PKHD1: variants seen among roughly 807,000 people sequenced by gnomAD.
The protein encoded by PKHD1 is PKHD1 ciliary IPT domain containing fibrocystin/polyductin.
A neutral mutation model predicts 412.0 loss-of-function variants in PKHD1; 291 were observed. The observed-to-expected ratio is 0.71, with a 90% CI of 0.64 to 0.78. The LOEUF is 0.78. Ranked by LOEUF, PKHD1 falls within the 30% of genes least tolerant of loss-of-function variation. PKHD1 has a pLI of 0.00. For synonymous variants in PKHD1, 1,777 were observed against 1,821.5 expected (o/e 0.98, Z 0.62); for missense variants, 4,825 against 4,950.7 (o/e 0.97, Z 0.76).
chr6:51,904,191 T>G, intron 41 of PKHD1, 149 bp from the exon 42 acceptor site: 1 of 661,364 alleles, frequency 1.5e-6, no homozygotes, highest in Admixed American at 2.3e-5. Flanking sequence ...ACAGATCTTA[T>G]GTACTCTTCA....
intron 43 of PKHD1, among the ~76,000 whole-genome samples, chr6:51,898,889 T>G (rs1780658524): frequency 6.6e-6 from 1 of 152,038 alleles, no homozygotes; most frequent in South Asian, 2.1e-4. Flanking sequence ...CACAAACACC[T>G]CTACGCAAAT....
At chr6:52,004,556 T>C (rs1184023182) in intron 35 of PKHD1, among the ~76,000 whole-genome samples, 1 of 152,242 alleles carries the variant, frequency 6.6e-6, no homozygotes, top group Non-Finnish European at 1.5e-5. Flanking sequence ...GTGGATGCCA[T>C]GTTCTTGAAG....
intron 34 of PKHD1, among the ~76,000 whole-genome samples, chr6:52,014,710 A>ATGGATGAATATAC (rs1800271351): frequency 2.3e-5 from 1 of 43,444 alleles, no homozygotes; most frequent in Non-Finnish European, 5.9e-5. Context: ...AGATGGATGG[A>ATGGATGAATATAC]TGGATGGATG....
intron 23 of PKHD1, among the ~76,000 whole-genome samples, chr6:52,047,534 C>T (rs1806052932): frequency 6.6e-6 from 1 of 152,190 alleles, no homozygotes; most frequent in African/African-American, 2.4e-5. Flanking sequence ...GTTCTTTGTG[C>T]ATTGTATGTA....
intron 34 of PKHD1, among the ~76,000 whole-genome samples, chr6:52,012,729 C>T (rs545689624): frequency 9.2e-5 from 14 of 152,232 alleles, no homozygotes; most frequent in African/African-American, 3.4e-4. Flanking sequence ...TTTTTTGTTA[C>T]TGGGGGTGGA....
chr6:51,845,567 A>G (rs1187601796), intron 50 of PKHD1, among the ~76,000 whole-genome samples: 1 of 152,246 alleles, frequency 6.6e-6, no homozygotes, highest in African/African-American at 2.4e-5. Context: ...GTATTCCAAT[A>G]CAAATAATTT....
intron 60 of PKHD1, among the ~76,000 whole-genome samples, chr6:51,692,621 C>T (rs1310414747): frequency 1.3e-5 from 2 of 152,168 alleles, no homozygotes; most frequent in Non-Finnish European, 2.9e-5. Context: ...TTAGTCTCGT[C>T]CATTTTTTTC....
chr6:51,950,220 A>AAAAAAATAT lies in PKHD1; in HGVS notation c.5908+9649_5908+9650insATATTTTTT. 8.8e-3 allele frequency among the ~76,000 whole-genome samples: 866 copies of AAAAAAATAT among 98,258 alleles called. 5 individuals carry two copies. The highest frequency in any genetic ancestry group is 0.019 in the Middle Eastern group (4 of 206). The allele number at this position is 98,258 out of a possible 152,430, so 64.5% of individuals were successfully genotyped here. On this transcript the variant is annotated intron_variant, in intron 36 of 66. Transcript: ENST00000371117. ...AATGGGCAATATAGAGAAAAAAAAA[A>AAAAAAATAT]ATATATATATATATATATATGAAAT...
chr6:51,836,330 A>C, intron 51 of PKHD1, 74 bp downstream of exon 51: 1 of 958,948 alleles, frequency 1.0e-6, no homozygotes, highest in South Asian at 1.3e-5. Context: ...ACAGTATGAC[A>C]AGGTGGAATT....
Position 51,883,217 on chromosome 6 carries a change from C to G in PKHD1, c.7226G>C (p.Ser2409Thr), listed in dbSNP as rs746323750. The stretch of plus-strand genomic sequence containing the variant: ...GAAGTTTTTCAGGCGAAGATTGCTA[C>G]TTCTAAAAATCTATAAAATACAGCA... Reference protein sequence around the residue: ...ESAGGAQIFRSSNLRLKNFKV... With the variant: ...ESAGGAQIFRTSNLRLKNFKV... The change falls in exon 46 of 67, where the codon AGT becomes ACT. Residue 2409 changes from serine (S) to threonine (T), a missense_variant. Coordinates refer to ENST00000371117, the MANE Select transcript of PKHD1 (RefSeq NM_138694.4). 1 of 1,613,504 alleles carries G rather than the reference C, an allele frequency of 6.2e-7. No individual in the cohort carries two copies.
intron 62 of PKHD1, among the ~76,000 whole-genome samples, chr6:51,648,573 T>C (rs886861951): frequency 1.3e-4 from 20 of 152,164 alleles, no homozygotes; most frequent in African/African-American, 4.6e-4. Context: ...TCAACAATCA[T>C]AGTTCACTGT....
intron 60 of PKHD1, among the ~76,000 whole-genome samples, chr6:51,702,890 ATT>A (rs11447702): frequency 0.011 from 1,586 of 138,248 alleles, 24 homozygotes; most frequent in African/African-American, 0.038. Flanking sequence ...TCAGAAATCA[ATT>A]TTTTTTTTTT....
At chr6:51,721,032 T>A (rs1316913959) in intron 60 of PKHD1, 1 of 981,394 alleles carries the variant, frequency 1.0e-6, no homozygotes. Context: ...GTAAGGGAAG[T>A]ATTTGAGGGT....
chr6:51,950,363 T>C (rs1790182450), intron 36 of PKHD1, among the ~76,000 whole-genome samples: 1 of 151,924 alleles, frequency 6.6e-6, no homozygotes, highest in South Asian at 2.1e-4. Context: ...GTGCTCAAGA[T>C]AAGCCCATTC....
At chr6:51,855,257 A>G (rs373978833) in intron 49 of PKHD1, among the ~76,000 whole-genome samples, 2 of 152,192 alleles carry the variant, frequency 1.3e-5, no homozygotes, top group Non-Finnish European at 2.9e-5. Flanking sequence ...AATTTTGATA[A>G]GAGAACCTGG....
intron 60 of PKHD1, among the ~76,000 whole-genome samples, chr6:51,735,763 G>C (rs576308047): frequency 4.0e-5 from 6 of 151,806 alleles, no homozygotes; most frequent in Admixed American, 3.9e-4. Flanking sequence ...TCATCTCTAC[G>C]AAAAATTTTT....
chr6:51,743,565 T>A (rs753518406), intron 60 of PKHD1, among the ~76,000 whole-genome samples: 85 of 152,264 alleles, frequency 5.6e-4, no homozygotes, highest in Non-Finnish European at 1.1e-3. Flanking sequence ...GTCATCAGCA[T>A]TTGATGGTAT....
intron 60 of PKHD1, among the ~76,000 whole-genome samples, chr6:51,689,150 G>A (rs759005937): frequency 2.5e-4 from 38 of 152,116 alleles, no homozygotes; most frequent in Non-Finnish European, 4.3e-4. Flanking sequence ...TATCCATCAA[G>A]ATCAAGTAGT....
intron 14 of PKHD1, 118 bp downstream of exon 14, chr6:52,062,401 G>A (rs1338819228): frequency 3.8e-6 from 4 of 1,050,338 alleles, no homozygotes; most frequent in Non-Finnish European, 6.0e-6. Context: ...TGTTGTTGTT[G>A]AATTGGCTAG....
Sources: gnomAD v4.1 joint callset for allele counts (sites outside exome capture counted in the v4.1 genomes callset) on GRCh38, gnomAD v4.1.1 for gene constraint, MANE v1.5 for transcripts, NCBI Gene and HGNC (gene_info 2026-07-23, HGNC 2026-07-21) for gene names.